The following TACC2 variants were observed in gnomAD, a reference collection of about 807,000 sequenced individuals.
TACC2 encodes transforming acidic coiled-coil containing protein 2, also known as transforming acidic coiled-coil-containing protein 2.
Under a neutral mutation model 227.3 loss-of-function variants are expected in TACC2, and 137 were observed. That is an observed-to-expected ratio of 0.60 (90% CI 0.52 to 0.69). TACC2 has a LOEUF of 0.69. Among genes scored for constraint, TACC2 ranks in the 30% least tolerant of loss-of-function variants. The pLI, the probability that TACC2 is intolerant of heterozygous loss-of-function variation, is 0.00. For synonymous variants in TACC2, 1,523 were observed against 1,487.5 expected, an observed-to-expected ratio of 1.02 and a Z score of -0.55; for missense variants, 3,470 against 3,694.4, an observed-to-expected ratio of 0.94 and a Z score of 1.57.
In TACC2 at chr10:122,039,465, C is replaced by T. The variant is rs949191193; in HGVS notation, c.34-10973C>T. ...CTGCTGATCTGAGTGCAGAAAAAGG[C>T]GTGGGAATTGGAAGGTGGGGGTGGA... On this transcript the variant is annotated intron_variant, in intron 2 of 22. Transcript: ENST00000369005. Among the ~76,000 whole-genome samples the T allele has an allele frequency of 1.1e-4, 16 of 151,944 alleles. No homozygotes were observed. In the South Asian group the frequency reaches 1.7e-3, roughly 16 times the overall value.
At position 122,226,389 on chromosome 10, in the gene TACC2, G is replaced by A. The variant is rs1212473116; in HGVS notation, c.7632G>A (p.Lys2544=). The A allele has an allele frequency of 4.3e-6, 7 of 1,614,066 alleles. No homozygotes were observed. Among genetic ancestry groups the A allele is most frequent in the Non-Finnish European group, 5.9e-6 (7 of 1,179,984 alleles). ...SLPQDDDAPK[K]QALYLMFDTS... is the part of the protein sequence containing the mutation. Reference sequence around the variant, plus strand: ...AGCAGGACGACGATGCCCCGAAGAAGCAGGCCTTGTACCTTATGTTTGACA... The same window carrying A: ...AGCAGGACGACGATGCCCCGAAGAAACAGGCCTTGTACCTTATGTTTGACA... The change falls in exon 13 of 23, where the codon AAG becomes AAA. Residue 2544 remains lysine, a synonymous_variant. Transcript: ENST00000369005.
intron 2 of TACC2, among the ~76,000 whole-genome samples, chr10:122,024,559 C>G (rs930757019): frequency 1.3e-5 from 2 of 152,332 alleles, no homozygotes; most frequent in South Asian, 2.1e-4. Flanking sequence ...TCTCTCTCCT[C>G]TCATCCCTAA....
chr10:122,057,783 G>A (rs1014718934), intron 3 of TACC2, among the ~76,000 whole-genome samples: 5 of 152,110 alleles, frequency 3.3e-5, no homozygotes, highest in Admixed American at 6.6e-5. Flanking sequence ...CCAAGATCGA[G>A]CCATTGCACT....
At position 122,213,086 on chromosome 10, in the gene TACC2, C is replaced by G. The variant is rs547726956; in HGVS notation, c.7283+1378C>G. Among the ~76,000 whole-genome samples the G allele has an allele frequency of 5.9e-5, 9 of 152,320 alleles. No individual in the cohort carries two copies. The East Asian group carries it at 1.4e-3, about 23-fold the overall frequency. ...GAAGTTTACCCAACTGTGTCCTCACCTCTAGTGCAGACAGGGACTTTGGCG... is the reference window on the plus strand; with the variant it reads ...GAAGTTTACCCAACTGTGTCCTCACGTCTAGTGCAGACAGGGACTTTGGCG... On this transcript the variant is annotated intron_variant, in intron 9 of 22. Coordinates refer to ENST00000369005, the MANE Select transcript of TACC2 (RefSeq NM_206862.4).
In TACC2 at chr10:122,132,745, G is replaced by T. The variant is rs371833004; in HGVS notation, c.5699+11G>T. The T allele has an allele frequency of 6.2e-7, 1 of 1,613,826 alleles. No homozygotes were observed. The highest frequency in any genetic ancestry group is 1.1e-5 in the South Asian group (1 of 91,060). On this transcript the variant is annotated intron_variant, in intron 6 of 22. Coordinates refer to ENST00000369005, the MANE Select transcript of TACC2 (RefSeq NM_206862.4). ...TCTGATAGCCCAGAGGTACGGTGGG[G>T]GCCCTGGAGCTGGTGATGAGACCTC... is the stretch of plus-strand genomic sequence containing the variant.
intron 6 of TACC2, among the ~76,000 whole-genome samples, chr10:122,135,610 T>C (rs994948247): frequency 1.3e-5 from 2 of 152,228 alleles, no homozygotes; most frequent in East Asian, 3.9e-4. Flanking sequence ...ATACCAAGGA[T>C]TGGTCTGACT....
intron 7 of TACC2, among the ~76,000 whole-genome samples, chr10:122,156,655 C>T (rs1377464587): frequency 6.6e-6 from 1 of 152,244 alleles, no homozygotes; most frequent in African/African-American, 2.4e-5. Flanking sequence ...ACAGGTCTGA[C>T]TGTGCCAGCT....
chr10:122,181,940 C>T (rs140263392), intron 7 of TACC2, among the ~76,000 whole-genome samples: 247 of 152,284 alleles, frequency 1.6e-3, no homozygotes, highest in Admixed American at 3.3e-3. Flanking sequence ...CTTCCTTCCT[C>T]GTGATTGTAC....
At chr10:122,182,639 T>C (rs1367264093) in intron 7 of TACC2, among the ~76,000 whole-genome samples, 1 of 152,178 alleles carries the variant, frequency 6.6e-6, no homozygotes, top group Non-Finnish European at 1.5e-5. Context: ...AAGTACCGCT[T>C]TTAAGGCAAA....
chr10:122,237,131 C>T (rs778454443), intron 16 of TACC2, among the ~76,000 whole-genome samples: 6 of 152,194 alleles, frequency 3.9e-5, no homozygotes, highest in Non-Finnish European at 5.9e-5. Flanking sequence ...AGGTACCAGA[C>T]ATGCTGGACT....
chr10:122,168,066 TTTTTTTA>T (rs1332590751), intron 7 of TACC2, among the ~76,000 whole-genome samples: 3 of 93,406 alleles, frequency 3.2e-5, no homozygotes, highest in Non-Finnish European at 6.2e-5. Flanking sequence ...TTTTTTTTTT[TTTTTTTA>T]AATAATTTTT....
intron 16 of TACC2, among the ~76,000 whole-genome samples, chr10:122,233,498 G>T (rs2095798419): frequency 6.6e-6 from 1 of 152,226 alleles, no homozygotes; most frequent in South Asian, 2.1e-4. Context: ...CTCAGTCCTG[G>T]CTTAGAAGAG....
chr10:122,170,346 T>C (rs2093410744), intron 7 of TACC2, among the ~76,000 whole-genome samples: 1 of 132,980 alleles, frequency 7.5e-6, no homozygotes. Flanking sequence ...CTGGGCCACA[T>C]TGCAGCCTCC....
intron 5 of TACC2, among the ~76,000 whole-genome samples, chr10:122,121,311 C>T (rs181340628): frequency 3.9e-5 from 6 of 152,310 alleles, no homozygotes; most frequent in East Asian, 1.9e-4. Context: ...CAGAAACATT[C>T]GCATGACTGG....
intron 7 of TACC2, among the ~76,000 whole-genome samples, chr10:122,164,948 G>C (rs574448204): frequency 6.6e-6 from 1 of 152,226 alleles, no homozygotes; most frequent in East Asian, 1.9e-4. Context: ...ATGGGGCCCC[G>C]GGGGGTACTT....
chr10:122,229,089 G>A (rs1048952837), intron 14 of TACC2, among the ~76,000 whole-genome samples: 1 of 152,070 alleles, frequency 6.6e-6, no homozygotes, highest in Admixed American at 6.6e-5. Flanking sequence ...CAGGGAGTGA[G>A]GGTGGCGTGG....
At chr10:122,116,901 CTT>C (rs1176023152) in intron 5 of TACC2, among the ~76,000 whole-genome samples, 4 of 145,482 alleles carry the variant, frequency 2.7e-5, no homozygotes, top group Admixed American at 6.9e-5. Flanking sequence ...TCCTTTCTTT[CTT>C]TTTTTTTTTT....
At chr10:122,094,564 G>A (rs2081176298) in intron 5 of TACC2, among the ~76,000 whole-genome samples, 1 of 152,192 alleles carries the variant, frequency 6.6e-6, no homozygotes, top group Admixed American at 6.5e-5. Flanking sequence ...TTATAGGCAT[G>A]AGCCACCATG....
chr10:122,125,953 A>G (rs1478949825), intron 5 of TACC2, among the ~76,000 whole-genome samples: 2 of 151,620 alleles, frequency 1.3e-5, no homozygotes, highest in Non-Finnish European at 2.9e-5. Flanking sequence ...ATTTTTTTGT[A>G]TTTTTAGTAG....
Sources: allele counts gnomAD v4.1 joint callset (sites outside exome capture counted in the v4.1 genomes callset), GRCh38; gene constraint gnomAD v4.1.1; transcripts MANE v1.5; gene names NCBI Gene and HGNC (gene_info 2026-07-23, HGNC 2026-07-21).